Variants in ASTN2 observed in about 807,000 individuals in gnomAD.
The protein encoded by ASTN2 is astrotactin 2.
ASTN2 carries 54 observed loss-of-function variants against 139.8 expected under a neutral mutation model. That is an observed-to-expected ratio of 0.39 (90% confidence interval 0.31 to 0.48). The LOEUF is 0.48. Among genes scored for constraint, ASTN2 ranks in the 20% least tolerant of loss-of-function variants. ASTN2 has a pLI of 0.95. For missense variants in ASTN2, 1,565 were observed against 1,725.1 expected (o/e 0.91, Z 1.64); for synonymous variants, 756 against 719.5 (o/e 1.05, Z -0.81).
At chr9:116,970,414 CAT>C (rs901941237) in intron 10 of ASTN2, among the ~76,000 whole-genome samples, 19 of 152,162 alleles carry the variant, frequency 1.2e-4, no homozygotes, top group Admixed American at 3.9e-4. Context: ...CAAAATTTGG[CAT>C]AGAAGTTTTG....
intron 11 of ASTN2, among the ~76,000 whole-genome samples, chr9:116,842,557 C>T (rs546908371): frequency 4.9e-4 from 74 of 152,126 alleles, no homozygotes; most frequent in African/African-American, 1.7e-3. Flanking sequence ...GTCCCCCACC[C>T]CTCTTGCCAC....
At chr9:117,057,461 G>A (rs556586584) in intron 5 of ASTN2, among the ~76,000 whole-genome samples, 1 of 152,200 alleles carries the variant, frequency 6.6e-6, no homozygotes, top group Non-Finnish European at 1.5e-5. Context: ...AAATTTATGG[G>A]ACAGCAATAA....
At chr9:117,075,657 C>A (rs925309967) in intron 5 of ASTN2, among the ~76,000 whole-genome samples, 5 of 152,152 alleles carry the variant, frequency 3.3e-5, no homozygotes, top group Non-Finnish European at 7.3e-5. Flanking sequence ...GACTTTGTGA[C>A]CAGAAGTCAG....
At chr9:116,539,636 A>G (rs866719843) in intron 19 of ASTN2, among the ~76,000 whole-genome samples, 1 of 152,158 alleles carries the variant, frequency 6.6e-6, no homozygotes, top group South Asian at 2.1e-4. Flanking sequence ...TACCAACCCT[A>G]TATATACTAT....
chr9:116,697,738 G>T lies in ASTN2; in HGVS notation c.2806+28033C>A, dbSNP rs774975492. The T allele has an allele frequency of 4.3e-6, 7 of 1,613,848 alleles. No homozygotes were observed. The highest frequency in any genetic ancestry group is 3.3e-5 in the Admixed American group (2 of 60,020). ...GTGCTAGCAATACCCTTCAAAGGAA[G>T]AGCAATGGCTGCAGCAGCAGCTTCT... On this transcript the variant is annotated intron_variant, in intron 16 of 22. Transcript: ENST00000313400.
chr9:116,858,912 A>T (rs1039145839), intron 11 of ASTN2, among the ~76,000 whole-genome samples: 2 of 152,292 alleles, frequency 1.3e-5, no homozygotes, highest in Admixed American at 6.5e-5. Flanking sequence ...AAGTAACGCA[A>T]ATTTATTATC....
intron 13 of ASTN2, among the ~76,000 whole-genome samples, chr9:116,746,126 A>C: frequency 7.4e-6 from 1 of 135,226 alleles, no homozygotes; most frequent in African/African-American, 2.8e-5. Flanking sequence ...TTGCTCTGTC[A>C]CCCAGGCTGG....
intron 20 of ASTN2, among the ~76,000 whole-genome samples, chr9:116,454,217 A>T (rs1848258155): frequency 6.6e-6 from 1 of 152,226 alleles, no homozygotes; most frequent in Non-Finnish European, 1.5e-5. Context: ...CCTTATATAG[A>T]TACAACAGAA....
At chr9:117,130,554 C>T (rs1038396089) in intron 4 of ASTN2, among the ~76,000 whole-genome samples, 5 of 152,108 alleles carry the variant, frequency 3.3e-5, no homozygotes, top group African/African-American at 9.7e-5. Flanking sequence ...ATTCCTTAAG[C>T]CCGGGGGGCT....
At chr9:117,293,878 G>A (rs950572861) in intron 1 of ASTN2, among the ~76,000 whole-genome samples, 2 of 152,366 alleles carry the variant, frequency 1.3e-5, no homozygotes, top group East Asian at 3.9e-4. Context: ...GTAGTTCCAT[G>A]TGCTGCTGGC....
intron 4 of ASTN2, among the ~76,000 whole-genome samples, chr9:117,107,627 T>A (rs1829140045): frequency 6.6e-6 from 1 of 152,216 alleles, no homozygotes; most frequent in African/African-American, 2.4e-5. Flanking sequence ...TCAGGTGTGA[T>A]CTGACCCGCA....
intron 1 of ASTN2, among the ~76,000 whole-genome samples, chr9:117,325,030 T>C (rs929038160): frequency 3.3e-5 from 5 of 152,144 alleles, no homozygotes; most frequent in Admixed American, 3.3e-4. Flanking sequence ...GTCTGGGACC[T>C]GGCATGCTGC....
intron 11 of ASTN2, among the ~76,000 whole-genome samples, chr9:116,838,692 T>C (rs866896857): frequency 1.3e-5 from 2 of 151,210 alleles, no homozygotes; most frequent in African/African-American, 2.4e-5. Flanking sequence ...CCCAAAGTGA[T>C]AGGATTATGA....
At chr9:116,706,732 G>A (rs1827996158) in intron 16 of ASTN2, among the ~76,000 whole-genome samples, 1 of 141,428 alleles carries the variant, frequency 7.1e-6, no homozygotes, top group Non-Finnish European at 1.5e-5. Flanking sequence ...TCTTGCTTTA[G>A]TTTGCTAACT....
At chr9:116,568,307 T>C (rs1377923556) in intron 19 of ASTN2, 1 of 152,248 alleles carries the variant, frequency 6.6e-6, no homozygotes, top group Non-Finnish European at 1.5e-5. Flanking sequence ...GACTAGCCTA[T>C]AGTGAGCTCA....
chr9:117,354,834 C>T (rs559261696), intron 1 of ASTN2, among the ~76,000 whole-genome samples: 1 of 152,294 alleles, frequency 6.6e-6, no homozygotes, highest in South Asian at 2.1e-4. Context: ...CAGCTCAAAC[C>T]TCAACTTTTA....
chr9:117,201,517 C>T (rs1164915174), intron 3 of ASTN2, among the ~76,000 whole-genome samples: 3 of 152,038 alleles, frequency 2.0e-5, no homozygotes, highest in Non-Finnish European at 2.9e-5. Flanking sequence ...TAGCTGTGTC[C>T]CAGAGATTCT....
intron 7 of ASTN2, among the ~76,000 whole-genome samples, chr9:117,000,626 T>C (rs2132569097): frequency 6.6e-6 from 1 of 152,298 alleles, no homozygotes; most frequent in East Asian, 1.9e-4. Context: ...GATGTTCACT[T>C]TCTGTCCTCA....
chr9:116,644,969 T>C (rs970596014), intron 17 of ASTN2, among the ~76,000 whole-genome samples: 2 of 152,162 alleles, frequency 1.3e-5, no homozygotes, highest in Non-Finnish European at 2.9e-5. Context: ...TCCAATGTCA[T>C]ATAATAATCA....
Sources: allele counts gnomAD v4.1 joint callset (sites outside exome capture counted in the v4.1 genomes callset), GRCh38; gene constraint gnomAD v4.1.1; transcripts MANE v1.5; gene names NCBI Gene and HGNC (gene_info 2026-07-23, HGNC 2026-07-21).